The following CPLX1 variants were observed in gnomAD, a reference collection of about 807,000 sequenced individuals.
CPLX1 encodes complexin 1.
In CPLX1, 6 loss-of-function variants were observed where a neutral mutation model predicts 15.6. The observed-to-expected ratio is 0.39, with a 90% CI of 0.21 to 0.76. The LOEUF (loss-of-function observed/expected upper bound fraction) is 0.76. Ranked by LOEUF, CPLX1 falls within the 30% of genes least tolerant of loss-of-function variation. The pLI is 0.43. For synonymous variants in CPLX1, 91 were observed against 75.2 expected (o/e 1.21, Z -1.08); for missense variants, 242 against 188.6 (o/e 1.28, Z -1.66).
intron 2 of CPLX1, among the ~76,000 whole-genome samples, chr4:815,707 A>G (rs988685036): frequency 2.6e-5 from 4 of 152,228 alleles, no homozygotes; most frequent in African/African-American, 7.2e-5. Flanking sequence ...CTCAGCTGCA[A>G]TTGTAACAGG....
intron 2 of CPLX1, among the ~76,000 whole-genome samples, chr4:799,485 A>G (rs1371179742): frequency 6.6e-6 from 1 of 151,802 alleles, no homozygotes; most frequent in Non-Finnish European, 1.5e-5. Flanking sequence ...TGGCACCCCA[A>G]CTCCACAGGG....
chr4:798,629 T>C (rs766744598), intron 2 of CPLX1, among the ~76,000 whole-genome samples: 5 of 152,230 alleles, frequency 3.3e-5, no homozygotes, highest in Non-Finnish European at 7.3e-5. Flanking sequence ...ACTCCTGGGC[T>C]CAAGTGATTT....
chr4:792,629 T>G (rs764256636), intron 2 of CPLX1, 21 bp from the exon 3 acceptor site: 7 of 1,603,764 alleles, frequency 4.4e-6, no homozygotes. Flanking sequence ...AGTTGGTGAT[T>G]CAGACCGCCC....
chr4:809,838 C>T (rs780018832), intron 2 of CPLX1, among the ~76,000 whole-genome samples: 1 of 147,674 alleles, frequency 6.8e-6, no homozygotes, highest in Non-Finnish European at 1.5e-5. Flanking sequence ...TATAAAGGGG[C>T]ACACACAATA....
intron 1 of CPLX1, chr4:824,886 C>T (rs1746947240): frequency 4.5e-6 from 2 of 448,224 alleles, no homozygotes; most frequent in Non-Finnish European, 8.5e-6. Context: ...CGCCAGGCTG[C>T]GGAAGCAGGG....
At chr4:800,762 CATAT>C (rs1298751594) in intron 2 of CPLX1, among the ~76,000 whole-genome samples, 1 of 146,332 alleles carries the variant, frequency 6.8e-6, no homozygotes, top group South Asian at 2.1e-4. Flanking sequence ...TATACACACA[CATAT>C]ACACACACAG....
At chr4:792,737 C>A in intron 2 of CPLX1, 129 bp from the exon 3 acceptor site, 2 of 975,292 alleles carry the variant, frequency 2.1e-6, no homozygotes, top group Non-Finnish European at 3.0e-6. Flanking sequence ...TCTGGCTGCC[C>A]CCACCACCCT....
Position 786,710 on chromosome 4 carries a change from G to C in CPLX1, c.208-12C>G. ...TTCTTGATGCCGTACTGCGGGGGAG[G>C]CGGGGGTCAGGGCGGGGGTCCCGGC... On this transcript the variant is annotated splice_polypyrimidine_tract_variant and intron_variant, in intron 3 of 3. Coordinates refer to ENST00000304062, the MANE Select transcript of CPLX1 (RefSeq NM_006651.4). The C allele has an allele frequency of 6.3e-7, 1 of 1,584,036 alleles. No individual in the cohort carries two copies. Among genetic ancestry groups the C allele is most frequent in the East Asian group, 2.3e-5 (1 of 43,942 alleles).
chr4:818,449 T>G (rs1746801369), intron 2 of CPLX1, among the ~76,000 whole-genome samples: 1 of 152,216 alleles, frequency 6.6e-6, no homozygotes, highest in Non-Finnish European at 1.5e-5. Context: ...CCTGCAATGC[T>G]CCCTCTGTTT....
rs1746213002 is a variant in CPLX1, at chr4:792,507, C to T, written c.133G>A (p.Glu45Lys). 1.2e-6 allele frequency: 2 copies of T among 1,613,126 alleles called. No individual in the cohort carries two copies. The highest frequency in any genetic ancestry group is 1.3e-5 in the African/African-American group (1 of 74,944). The stretch of plus-strand genomic sequence containing the variant: ...GCGTACTTGGCCTTGCGCTCCTCCT[C>T]CGCCTGGCGCAGCGCCTCCTGCCGC... Reference protein sequence around the residue: ...EERQEALRQAEEERKAKYAKM... With the variant: ...EERQEALRQAKEERKAKYAKM... The change falls in exon 3 of 4, where the codon GAG (glutamate) becomes AAG (lysine). Residue 45 changes from glutamate (E) to lysine (K), a missense_variant. Coordinates refer to ENST00000304062, the MANE Select transcript of CPLX1 (RefSeq NM_006651.4).
At chr4:801,382 G>C (rs904550732) in intron 2 of CPLX1, among the ~76,000 whole-genome samples, 3 of 151,932 alleles carry the variant, frequency 2.0e-5, no homozygotes, top group African/African-American at 4.8e-5. Context: ...CTCAATAACA[G>C]GAACACAAAC....
intron 2 of CPLX1, among the ~76,000 whole-genome samples, chr4:800,734 A>ATAT (rs1267135148): frequency 2.3e-5 from 2 of 88,730 alleles, no homozygotes; most frequent in African/African-American, 4.7e-5. Context: ...TAAAAAAAAA[A>ATAT]ATATATATAT....
intron 2 of CPLX1, chr4:804,871 G>A (rs1746525411): frequency 2.0e-6 from 2 of 980,606 alleles, no homozygotes; most frequent in African/African-American, 3.5e-5. Context: ...AAAGGTGGGC[G>A]GCGGCAGCCA....
intron 2 of CPLX1, among the ~76,000 whole-genome samples, chr4:797,616 G>A (rs1051337697): frequency 6.8e-6 from 1 of 148,136 alleles, no homozygotes; most frequent in African/African-American, 2.5e-5. Flanking sequence ...GTGAGCCACT[G>A]AGCCTGGCCA....
At position 825,179 on chromosome 4, in the gene CPLX1, G is replaced by A. The variant is rs527497472; in HGVS notation, c.-79-578C>T. On this transcript the variant is annotated intron_variant, in intron 1 of 3. Transcript: ENST00000304062. ...GGGCTCAGCCTTCAGGAAACACGTG[G>A]GGACGGGGACAGAGCACCCCCGCCC... 7.9e-5 allele frequency among the ~76,000 whole-genome samples: 12 copies of A among 152,216 alleles called. No homozygotes were observed. In the South Asian group the frequency reaches 2.5e-3, roughly 32 times the overall value.
chr4:799,221 C>T (rs562063736), intron 2 of CPLX1, among the ~76,000 whole-genome samples: 7 of 152,334 alleles, frequency 4.6e-5, no homozygotes, highest in South Asian at 2.1e-4. Flanking sequence ...GAGGAAGGAA[C>T]GCTACAGAGA....
chr4:788,352 G>A lies in CPLX1; in HGVS notation c.208-1654C>T, dbSNP rs185089467. 232 of 985,406 alleles carry A rather than the reference G, an allele frequency of 2.4e-4. 1 individual carries two copies. In the East Asian group the frequency reaches 0.015, roughly 65 times the overall value. The allele number at this position is 985,406 out of a possible 1,614,324, so 61.0% of individuals were successfully genotyped here. A position where few individuals can be genotyped will look rare whatever the true frequency, so the allele number is the denominator to read the frequency against. On this transcript the variant is annotated intron_variant, in intron 3 of 3. Transcript: ENST00000304062. ...GGTGGCTCTGGGTGTGGGGGGCCAG[G>A]GCCACCTTCAGTGAGATGGAAAGGA... is the stretch of plus-strand genomic sequence containing the variant.
chr4:823,624 G>A (rs1030648677), intron 2 of CPLX1, among the ~76,000 whole-genome samples: 9 of 152,242 alleles, frequency 5.9e-5, no homozygotes, highest in Admixed American at 5.2e-4. Flanking sequence ...GGGGAACACA[G>A]GATGGACGGC....
At chr4:808,123 G>A (rs527851606) in intron 2 of CPLX1, among the ~76,000 whole-genome samples, 1 of 152,044 alleles carries the variant, frequency 6.6e-6, no homozygotes, top group Non-Finnish European at 1.5e-5. Flanking sequence ...TGAAAAATTC[G>A]CCAGGCATAG....
Sources: allele counts gnomAD v4.1 joint callset (sites outside exome capture counted in the v4.1 genomes callset), GRCh38; gene constraint gnomAD v4.1.1; transcripts MANE v1.5; gene names NCBI Gene and HGNC (gene_info 2026-07-23, HGNC 2026-07-21).